ARID4B: variants seen among roughly 807,000 people sequenced by gnomAD.
The protein encoded by ARID4B is AT-rich interaction domain 4B.
ARID4B carries 26 observed loss-of-function variants against 147.5 expected under a neutral mutation model. The ratio of observed to expected loss-of-function variants is 0.18; its 90% confidence interval spans 0.13 to 0.24. The LOEUF (loss-of-function observed/expected upper bound fraction) is 0.24. Ranked by LOEUF, ARID4B falls within the 10% of genes least tolerant of loss-of-function variation. ARID4B has a pLI of 1.00. For synonymous variants in ARID4B, 512 were observed against 507.9 expected (o/e 1.01, Z -0.11); for missense variants, 1,179 against 1,511.5 (o/e 0.78, Z 3.65).
Position 235,182,537 on chromosome 1 carries a change from A to G in ARID4B, c.2382T>C (p.Asp794=), listed in dbSNP as rs752499593. Residue 794 remains aspartate, a synonymous_variant, in exon 20 of 24, where the codon GAT becomes GAC. Transcript: ENST00000264183. ...KDIEVLSEDT[D]YEEDEVTKKR... ...TTTTTGTGACTTCATCTTCTTCATA[A>G]TCAGTATCTTCGGATAATACTTCTA... The G allele has an allele frequency of 6.2e-7, 1 of 1,613,060 alleles. No homozygotes were observed.
chr1:235,187,077 CTTTTT>C (rs11335836), intron 19 of ARID4B: 154 of 266,732 alleles, frequency 5.8e-4, no homozygotes, highest in Middle Eastern at 3.0e-3. Context: ...GCATCTTATT[CTTTTT>C]TTTTTTTTTT....
At chr1:235,276,974 A>G (rs2185020) in intron 2 of ARID4B, among the ~76,000 whole-genome samples, 69,309 of 148,572 alleles carry the variant, frequency 0.47, 16,481 homozygotes, top group South Asian at 0.61. Flanking sequence ...AATCAAGCCT[A>G]GGTGATGGAG....
intron 2 of ARID4B, among the ~76,000 whole-genome samples, chr1:235,305,981 T>C (rs1419222477): frequency 6.6e-6 from 1 of 152,106 alleles, no homozygotes; most frequent in African/African-American, 2.4e-5. Context: ...AAAAACTACA[T>C]ATAATGTAAG....
intron 7 of ARID4B, among the ~76,000 whole-genome samples, chr1:235,243,314 T>C (rs1413373281): frequency 6.6e-6 from 1 of 152,060 alleles, no homozygotes; most frequent in Admixed American, 6.6e-5. Context: ...CAGAAAACTG[T>C]TTACACAGGT....
rs554281470 is a variant in ARID4B at position 235,293,022 on chromosome 1, C to G, written c.7-32270G>C. Among the ~76,000 whole-genome samples the G allele has an allele frequency of 2.2e-4, 33 of 152,316 alleles. No individual in the cohort carries two copies. The South Asian group carries it at 5.8e-3, about 27-fold the overall frequency. On this transcript the variant is annotated intron_variant, in intron 2 of 23. Transcript: ENST00000264183. Reference sequence around the variant, plus strand: ...CTCATTCCTGTAGAGCCAGACTACTCCTTCCCAAAACCTACAGGGCAGCAA... The same window carrying G: ...CTCATTCCTGTAGAGCCAGACTACTGCTTCCCAAAACCTACAGGGCAGCAA...
chr1:235,173,756 AAAAAAAAAAAAAAAAATATATAT>A (rs1663555421), intron 22 of ARID4B, among the ~76,000 whole-genome samples: 1 of 44,686 alleles, frequency 2.2e-5, no homozygotes, highest in Non-Finnish European at 3.7e-5. Context: ...AAAAAAAAAA[AAAAAAAAAAAAAAAAATATATAT>A]ATATATATAT....
intron 16 of ARID4B, 59 bp from the exon 17 acceptor site, chr1:235,214,085 C>A: frequency 6.5e-7 from 1 of 1,537,642 alleles, no homozygotes; most frequent in Non-Finnish European, 8.7e-7. Flanking sequence ...TTTTTCAGTT[C>A]CAAACCACAT....
chr1:235,294,164 T>C (rs921507208), intron 2 of ARID4B, among the ~76,000 whole-genome samples: 2 of 152,148 alleles, frequency 1.3e-5, no homozygotes, highest in African/African-American at 4.8e-5. Flanking sequence ...CCTGGCCACC[T>C]GGAAAATTGA....
chr1:235,291,275 C>T (rs7513751), intron 2 of ARID4B, among the ~76,000 whole-genome samples: 62 of 151,890 alleles, frequency 4.1e-4, no homozygotes, highest in African/African-American at 1.4e-3. Context: ...GGCATGGTGG[C>T]GGGTGCCTGT....
intron 3 of ARID4B, among the ~76,000 whole-genome samples, chr1:235,259,144 G>C (rs1670153244): frequency 6.6e-6 from 1 of 152,160 alleles, no homozygotes; most frequent in Admixed American, 6.5e-5. Context: ...TACTTATAAA[G>C]CACAAGGTAC....
Position 235,219,947 on chromosome 1 carries a change from C to A in ARID4B, c.1429G>T (p.Glu477Ter). The A allele has an allele frequency of 1.3e-6, 2 of 1,546,600 alleles. No individual in the cohort carries two copies. The highest frequency in any genetic ancestry group is 1.2e-5 in the South Asian group (1 of 81,640). Residue 477 changes from glutamate (E) to a stop codon, truncating the protein, a stop_gained, in exon 16 of 24, where the codon GAA (glutamate) becomes TAA (stop). Coordinates refer to ENST00000264183, the MANE Select transcript of ARID4B (RefSeq NM_016374.6). LOFTEE classifies it high-confidence loss of function. ...PSLGSKKNLL[E>*]SIPTHSDQEK... Reference sequence around the variant, plus strand: ...TGATCAGAATGTGTAGGTATAGATTCTAATAAATTCTTTTTACTTCCCTAG... The same window carrying A: ...TGATCAGAATGTGTAGGTATAGATTATAATAAATTCTTTTTACTTCCCTAG...
chr1:235,286,906 G>C (rs1025859556), intron 2 of ARID4B, among the ~76,000 whole-genome samples: 1 of 152,200 alleles, frequency 6.6e-6, no homozygotes, highest in East Asian at 1.9e-4. Context: ...GGGATGGAGA[G>C]AGAAGAACTG....
chr1:235,324,568 T>C (rs2103317417), intron 2 of ARID4B, among the ~76,000 whole-genome samples: 1 of 152,366 alleles, frequency 6.6e-6, no homozygotes, highest in South Asian at 2.1e-4. Context: ...CTTAAAAGCT[T>C]GCTCCCAAGT....
intron 17 of ARID4B, among the ~76,000 whole-genome samples, chr1:235,206,589 GAAGAA>G (rs890082012): frequency 2.4e-4 from 36 of 152,122 alleles, no homozygotes; most frequent in African/African-American, 8.4e-4. Context: ...TTTGAGAAAG[GAAGAA>G]AAGGAAAATA....
chr1:235,231,669 G>T (rs899723278), intron 9 of ARID4B, among the ~76,000 whole-genome samples: 1 of 152,102 alleles, frequency 6.6e-6, no homozygotes, highest in African/African-American at 2.4e-5. Flanking sequence ...TGTATTTTTA[G>T]TAGAGACAGG....
intron 2 of ARID4B, among the ~76,000 whole-genome samples, chr1:235,322,370 T>C (rs11587367): frequency 0.17 from 26,022 of 152,074 alleles, 3,125 homozygotes; most frequent in African/African-American, 0.34. Context: ...CACTGCCCTT[T>C]TATTCCTACC....
At chr1:235,323,599 A>G (rs1675005550) in intron 2 of ARID4B, among the ~76,000 whole-genome samples, 1 of 152,030 alleles carries the variant, frequency 6.6e-6, no homozygotes, top group Admixed American at 6.6e-5. Flanking sequence ...AGCCTGACCA[A>G]TATGGAGAAA....
intron 19 of ARID4B, among the ~76,000 whole-genome samples, chr1:235,190,692 C>G (rs1426470364): frequency 6.6e-6 from 1 of 152,188 alleles, no homozygotes; most frequent in Non-Finnish European, 1.5e-5. Context: ...TGCAGCCAAT[C>G]TCTAAAAATT....
chr1:235,225,702 T>C (rs1200168304), intron 11 of ARID4B, among the ~76,000 whole-genome samples: 1 of 152,208 alleles, frequency 6.6e-6, no homozygotes, highest in Non-Finnish European at 1.5e-5. Flanking sequence ...TTTGTAACAG[T>C]AAAAGTTAGG....
Sources: gnomAD v4.1 joint callset for allele counts (sites outside exome capture counted in the v4.1 genomes callset) on GRCh38, gnomAD v4.1.1 for gene constraint, MANE v1.5 for transcripts, NCBI Gene and HGNC (gene_info 2026-07-23, HGNC 2026-07-21) for gene names.